AGXT: variants seen among roughly 807,000 people sequenced by gnomAD.
AGXT encodes L-alanine: glyoxylate aminotransferase 1.
A neutral mutation model predicts 46.9 loss-of-function variants in AGXT; 41 were observed. The ratio of observed to expected loss-of-function variants is 0.88; its 90% CI spans 0.68 to 1.14. The LOEUF is 1.14. AGXT is among the 50% of genes most tolerant of loss of function. AGXT has a pLI of 0.00. For missense variants in AGXT, 525 were observed against 522.7 expected, an observed-to-expected ratio of 1.00 and a Z score of -0.04; for synonymous variants, 244 against 227.9, an observed-to-expected ratio of 1.07 and a Z score of -0.64.
rs369184209 is a variant in AGXT, at chr2:240,869,269, G to A, written c.265G>A (p.Ala89Thr). 4.3e-5 allele frequency: 70 copies of A among 1,613,758 alleles called. No homozygotes were observed. The highest frequency in any genetic ancestry group is 1.4e-4 in the South Asian group (13 of 91,084). ...SGSGHCALEA[A>T]LVNVLEPGDS... Reference sequence around the variant, plus strand: ...CTCGGGACACTGTGCCCTGGAGGCCGCCCTGGTCAATGTGCTGGAGCCTGG... The same window carrying A: ...CTCGGGACACTGTGCCCTGGAGGCCACCCTGGTCAATGTGCTGGAGCCTGG... The change falls in exon 2 of 11, where the codon GCC becomes ACC. Residue 89 changes from alanine to threonine, a missense_variant. Physicochemically the swap from Ala to Thr is moderately conservative, Grantham distance 58. Transcript: ENST00000307503.
intron 4 of AGXT, among the ~76,000 whole-genome samples, chr2:240,872,508 C>T (rs1231604776): frequency 1.4e-5 from 2 of 145,250 alleles, no homozygotes; most frequent in East Asian, 2.1e-4. Context: ...GAGTTTGTGG[C>T]GCTGCTGCTT....
Position 240,871,488 on chromosome 2 carries a change from C to G in AGXT, c.524+39C>G, listed in dbSNP as rs767782309. The G allele has an allele frequency of 3.3e-6, 5 of 1,531,638 alleles. No individual in the cohort carries two copies. The Admixed American group carries it at 9.7e-5, about 30-fold the overall frequency. 94.9% of individuals were successfully genotyped at this position (1,531,638 alleles called of 1,614,324 possible). A position where few individuals can be genotyped will look rare whatever the true frequency, so the allele number is the denominator to read the frequency against. On this transcript the variant is annotated intron_variant, in intron 4 of 10. Transcript: ENST00000307503. ...CAGGGCGGTGGACTGGAGCACAGCT[C>G]AGAGCCAGGCTATGGGGAGGGGTGG...
chr2:240,873,957 G>C (rs376691933), intron 5 of AGXT, 21 bp from the exon 6 acceptor site: 1 of 1,612,728 alleles, frequency 6.2e-7, no homozygotes, highest in African/African-American at 1.3e-5. Flanking sequence ...CACCCGTCCC[G>C]AGCAAACCAC....
Position 240,879,102 on chromosome 2 carries a change from C to T in AGXT, c.*281C>T. On this transcript the variant is annotated 3_prime_UTR_variant, in exon 11 of 11. Coordinates refer to ENST00000307503, the MANE Select transcript of AGXT (RefSeq NM_000030.3). ...CCTCCCGGGAATGTTTAATAAAGGG[C>T]CTGGCCAACTCTCCTCACTGTGTGG... 3.6e-6 allele frequency: 2 copies of T among 558,290 alleles called. No homozygotes were observed. Among genetic ancestry groups the T allele is most frequent in the Non-Finnish European group, 6.5e-6 (2 of 309,674 alleles). The allele number at this position is 558,290 out of a possible 1,614,324, so 34.6% of individuals were successfully genotyped here. A position where few individuals can be genotyped will look rare whatever the true frequency, so the allele number is the denominator to read the frequency against.
intron 7 of AGXT, 45 bp downstream of exon 7, chr2:240,875,249 C>A: frequency 6.6e-7 from 1 of 1,514,474 alleles, no homozygotes; most frequent in Non-Finnish European, 9.2e-7. Flanking sequence ...CTGGGCATGG[C>A]TGAGAGGTGG....
At position 240,877,438 on chromosome 2, in the gene AGXT, A is replaced by T. The variant is rs745326675; in HGVS notation, c.847-99A>T. On this transcript the variant is annotated intron_variant, in intron 8 of 10. Transcript: ENST00000307503. Reference sequence around the variant, plus strand: ...GGGCTCCAGGGGCTCCCCTGCACCAAGGCCTGCAGAGTCAGGTTCTTCCTC... The same window carrying T: ...GGGCTCCAGGGGCTCCCCTGCACCATGGCCTGCAGAGTCAGGTTCTTCCTC... 6.7e-6 allele frequency: 8 copies of T among 1,196,938 alleles called. No individual in the cohort carries two copies. In the South Asian group the frequency reaches 1.1e-4, roughly 16 times the overall value. 74.1% of individuals were successfully genotyped at this position (1,196,938 alleles called of 1,614,324 possible). A position where few individuals can be genotyped will look rare whatever the true frequency, so the allele number is the denominator to read the frequency against.
intron 3 of AGXT, 81 bp from the exon 4 acceptor site, chr2:240,871,268 G>A (rs1432041632): frequency 8.1e-7 from 1 of 1,237,408 alleles, no homozygotes; most frequent in Non-Finnish European, 1.1e-6. Context: ...ACCTGGAGCT[G>A]TGCCACCCAT....
At position 240,877,742 on chromosome 2, in the gene AGXT, G is replaced by A. The variant is rs2059035090; in HGVS notation, c.942+110G>A. The A allele has an allele frequency of 9.4e-6, 12 of 1,269,950 alleles. No homozygotes were observed. In the South Asian group the frequency reaches 1.2e-4, roughly 13 times the overall value. The allele number at this position is 1,269,950 out of a possible 1,614,324, so 78.7% of individuals were successfully genotyped here. On this transcript the variant is annotated intron_variant, in intron 9 of 10. Transcript: ENST00000307503. ...GGCTCCTGAGAAGGAGGGGGCGGCT[G>A]CCCGGTGGTGTGGCCTCGGTGCCAG...
chr2:240,871,284 G>A, intron 3 of AGXT, 65 bp from the exon 4 acceptor site: 4 of 1,402,912 alleles, frequency 2.9e-6, no homozygotes, highest in Non-Finnish European at 3.9e-6. Flanking sequence ...CCCATGGGGG[G>A]TTTGTGGGGG....
intron 10 of AGXT, among the ~76,000 whole-genome samples, chr2:240,878,479 C>T (rs983692722): frequency 3.9e-5 from 6 of 152,220 alleles, no homozygotes; most frequent in African/African-American, 1.4e-4. Context: ...GAGGGACCTT[C>T]ACTGCACCAC....
intron 7 of AGXT, among the ~76,000 whole-genome samples, chr2:240,875,622 G>A (rs1432767542): frequency 6.6e-6 from 1 of 152,380 alleles, no homozygotes; most frequent in East Asian, 1.9e-4. Context: ...TAGCCCAGTG[G>A]GCACAGAGGG....
At position 240,870,655 on chromosome 2, in the gene AGXT, CACCCGATG is replaced by C. The variant is rs2058986184; in HGVS notation, c.374_381del (p.Pro125GlnfsTer40). Reference sequence around the variant, plus strand: ...TGTCCTGCACCCAGGAGCCCGAGTGCACCCGATGACCAAGGACCCTGGAGGCCACTACA... The same window carrying C: ...TGTCCTGCACCCAGGAGCCCGAGTGCACCAAGGACCCTGGAGGCCACTACA... On this transcript the variant is annotated frameshift_variant, in exon 3 of 11. Transcript: ENST00000307503. LOFTEE classifies it high-confidence loss of function. 2 of 1,553,516 alleles carry C rather than the reference CACCCGATG, an allele frequency of 1.3e-6. No individual in the cohort carries two copies. The highest frequency in any genetic ancestry group is 1.7e-6 in the Non-Finnish European group (2 of 1,148,368).
chr2:240,878,287 T>C (rs1575712886), intron 10 of AGXT, 137 bp downstream of exon 10: 2 of 1,274,390 alleles, frequency 1.6e-6, no homozygotes, highest in Non-Finnish European at 2.2e-6. Context: ...AAGGGCCCAC[T>C]CTCCAAGGGG....
chr2:240,878,274 C>T, intron 10 of AGXT, 124 bp downstream of exon 10: 1 of 1,373,132 alleles, frequency 7.3e-7, no homozygotes, highest in Non-Finnish European at 9.9e-7. Context: ...CAGGAGCGTC[C>T]AGAAGGGCCC....
At position 240,878,161 on chromosome 2, in the gene AGXT, G is replaced by C; in HGVS notation, c.1071+11G>C. On this transcript the variant is annotated intron_variant, in intron 10 of 10. Transcript: ENST00000307503. ...CCCTCCACGGGGAAGGTGAGAGGGA[G>C]CGCCTCGAGGGCCTTTTGCAGAAAC... is the stretch of plus-strand genomic sequence containing the variant. The C allele has an allele frequency of 1.2e-6, 2 of 1,612,162 alleles. No individual in the cohort carries two copies. The highest frequency in any genetic ancestry group is 3.3e-4 in the Middle Eastern group (2 of 6,062).
intron 2 of AGXT, among the ~76,000 whole-genome samples, chr2:240,870,077 C>T (rs1032799272): frequency 3.9e-5 from 6 of 152,176 alleles, no homozygotes; most frequent in Non-Finnish European, 8.8e-5. Context: ...ATATGGCTTC[C>T]CTTTTCCCCA....
At chr2:240,873,442 C>T (rs2106429684) in intron 5 of AGXT, 1 of 293,064 alleles carries the variant, frequency 3.4e-6, no homozygotes, top group Non-Finnish European at 6.5e-6. Context: ...CCAGGCTGCC[C>T]ATAGCAGTGA....
intron 5 of AGXT, chr2:240,873,574 C>T (rs571833924): frequency 3.4e-6 from 1 of 297,914 alleles, no homozygotes; most frequent in Non-Finnish European, 6.3e-6. Context: ...GCGGTGCCTG[C>T]CCACCCACTC....
chr2:240,877,310 C>T lies in AGXT; in HGVS notation c.847-227C>T, dbSNP rs776901573. ...TCTCCCCCAGGGGCCACAGGCAGACCTCCCCTCTGTCTCTCTGAACCCTCC... is the reference window on the plus strand; with the variant it reads ...TCTCCCCCAGGGGCCACAGGCAGACTTCCCCTCTGTCTCTCTGAACCCTCC... On this transcript the variant is annotated intron_variant, in intron 8 of 10. Coordinates refer to ENST00000307503, the MANE Select transcript of AGXT (RefSeq NM_000030.3). 3.6e-5 allele frequency: 25 copies of T among 689,014 alleles called. No individual in the cohort carries two copies. In the South Asian group the frequency reaches 3.8e-4, roughly 10 times the overall value. 42.7% of individuals were successfully genotyped at this position (689,014 alleles called of 1,614,324 possible).
Sources: allele counts gnomAD v4.1 joint callset (sites outside exome capture counted in the v4.1 genomes callset), GRCh38; gene constraint gnomAD v4.1.1; transcripts MANE v1.5; gene names NCBI Gene and HGNC (gene_info 2026-07-23, HGNC 2026-07-21).